The following RNF220 variants were observed in gnomAD, a reference collection of about 807,000 sequenced individuals.
RNF220 encodes ring finger protein 220.
Under a neutral mutation model 67.1 loss-of-function variants are expected in RNF220, and 7 were observed. That is an observed-to-expected ratio of 0.10 (90% confidence interval 0.06 to 0.20). RNF220 has a LOEUF of 0.20. Ranked by LOEUF, RNF220 falls within the 10% of genes least tolerant of loss-of-function variation. The pLI is 1.00. For synonymous variants in RNF220, 270 were observed against 283.2 expected, an observed-to-expected ratio of 0.95 and a Z score of 0.47; for missense variants, 565 against 740.3, an observed-to-expected ratio of 0.76 and a Z score of 2.75.
intron 2 of RNF220, among the ~76,000 whole-genome samples, chr1:44,579,900 G>T (rs759116171): frequency 4.0e-5 from 6 of 151,470 alleles, no homozygotes; most frequent in Non-Finnish European, 8.8e-5. Flanking sequence ...GTGTGGTGGC[G>T]TGCATCTGTA....
intron 6 of RNF220, 98 bp from the exon 7 acceptor site, chr1:44,635,447 G>A: frequency 6.5e-7 from 1 of 1,528,316 alleles, no homozygotes; most frequent in South Asian, 1.2e-5. Context: ...AAGGCCAATG[G>A]CTGGCAAGAG....
chr1:44,548,107 T>G (rs1337565332), intron 2 of RNF220, among the ~76,000 whole-genome samples: 2 of 152,172 alleles, frequency 1.3e-5, no homozygotes, highest in Non-Finnish European at 2.9e-5. Flanking sequence ...ACATCCCCCA[T>G]GTCTCGTTAG....
chr1:44,505,982 C>A (rs1658381625), intron 2 of RNF220, among the ~76,000 whole-genome samples: 1 of 152,138 alleles, frequency 6.6e-6, no homozygotes, highest in African/African-American at 2.4e-5. Flanking sequence ...GGTAGCCCAT[C>A]ATACCCCCTT....
chr1:44,571,523 A>T (rs192910095), intron 2 of RNF220, among the ~76,000 whole-genome samples: 25 of 152,338 alleles, frequency 1.6e-4, no homozygotes, highest in Admixed American at 1.0e-3. Context: ...AGTAAGTTCT[A>T]CATTCACTGT....
At chr1:44,522,208 G>A (rs1279842746) in intron 2 of RNF220, among the ~76,000 whole-genome samples, 1 of 152,212 alleles carries the variant, frequency 6.6e-6, no homozygotes, top group East Asian at 1.9e-4. Context: ...TGGAAGGATG[G>A]TGGGATTTGA....
chr1:44,588,510 G>A (rs1665874660), intron 2 of RNF220, among the ~76,000 whole-genome samples: 3 of 152,340 alleles, frequency 2.0e-5, no homozygotes, highest in Non-Finnish European at 4.4e-5. Flanking sequence ...CTGTCTTGGG[G>A]AAAGTGGCCC....
chr1:44,441,220 C>T (rs907032440), intron 2 of RNF220, among the ~76,000 whole-genome samples: 12 of 152,174 alleles, frequency 7.9e-5, no homozygotes, highest in South Asian at 2.1e-4. Context: ...CCTCCCCATC[C>T]CTAAGCAGCC....
In RNF220 at chr1:44,645,882, T is replaced by C. The variant is rs1644630112; in HGVS notation, c.1445+394T>C. On this transcript the variant is annotated intron_variant, in intron 12 of 14. Coordinates refer to ENST00000361799, the MANE Select transcript of RNF220 (RefSeq NM_018150.4). This position sits in a 1 kb window ranked among gnomAD's most constrained non-coding sequence, Gnocchi z 5.0. ...TTCTTGTCCCGGGTGGCACTCGCAG[T>C]GGATTTTAGGCAGGAACATTGGGTA... Among the ~76,000 whole-genome samples the C allele has an allele frequency of 6.6e-6, 1 of 152,188 alleles. No individual in the cohort carries two copies. Among genetic ancestry groups the C allele is most frequent in the Non-Finnish European group, 1.5e-5 (1 of 68,036 alleles).
At chr1:44,635,896 C>A (rs1180754861) in intron 7 of RNF220, 134 bp from the exon 8 acceptor site, 3 of 1,477,156 alleles carry the variant, frequency 2.0e-6, no homozygotes, top group African/African-American at 1.4e-5. Flanking sequence ...AATTGGTTTG[C>A]TTCAAAGGAG....
At chr1:44,539,304 C>T (rs1206741179) in intron 2 of RNF220, among the ~76,000 whole-genome samples, 1 of 152,190 alleles carries the variant, frequency 6.6e-6, no homozygotes, top group Non-Finnish European at 1.5e-5. Context: ...TTTCCTGACT[C>T]TCTGAGCATC....
chr1:44,540,314 AC>A, intron 2 of RNF220, among the ~76,000 whole-genome samples: 1 of 152,284 alleles, frequency 6.6e-6, no homozygotes, highest in South Asian at 2.1e-4. Flanking sequence ...AAGCATGAGC[AC>A]AGAATAATGG....
chr1:44,500,809 G>A (rs1185255175), intron 2 of RNF220, among the ~76,000 whole-genome samples: 1 of 152,174 alleles, frequency 6.6e-6, no homozygotes, highest in Non-Finnish European at 1.5e-5. Flanking sequence ...AGGAGGGAGG[G>A]AGGAGCTCCA....
At chr1:44,478,818 AG>A (rs1247699869) in intron 2 of RNF220, among the ~76,000 whole-genome samples, 1 of 152,190 alleles carries the variant, frequency 6.6e-6, no homozygotes, top group Non-Finnish European at 1.5e-5. Context: ...CCACGGTCCT[AG>A]GGGTTGAGAA....
intron 2 of RNF220, among the ~76,000 whole-genome samples, chr1:44,523,825 C>T (rs1193724002): frequency 6.6e-6 from 1 of 152,208 alleles, no homozygotes; most frequent in African/African-American, 2.4e-5. Flanking sequence ...GCAGCCCCAT[C>T]CCCTCGTCCA....
rs1663903032 is a variant in RNF220, at chr1:44,565,194, T to G, written c.626-48971T>G. Among the ~76,000 whole-genome samples the G allele has an allele frequency of 6.6e-6, 1 of 150,786 alleles. No homozygotes were observed. Among genetic ancestry groups the G allele is most frequent in the South Asian group, 2.1e-4 (1 of 4,790 alleles). On this transcript the variant is annotated intron_variant, in intron 2 of 14. Coordinates refer to ENST00000361799, the MANE Select transcript of RNF220 (RefSeq NM_018150.4). This position sits in a 1 kb window ranked among gnomAD's most constrained non-coding sequence, Gnocchi z 4.2. ...AACTGACAGATAGATGTTGGTTCTG[T>G]GCCTAGGAATATGTTGGTGAATTAT...
At chr1:44,559,888 A>G (rs1364957094) in intron 2 of RNF220, among the ~76,000 whole-genome samples, 1 of 152,222 alleles carries the variant, frequency 6.6e-6, no homozygotes, top group African/African-American at 2.4e-5. Flanking sequence ...CTCTGAAGGC[A>G]AGAGGGTGAC....
At chr1:44,567,131 G>A (rs556519894) in intron 2 of RNF220, among the ~76,000 whole-genome samples, 2 of 152,186 alleles carry the variant, frequency 1.3e-5, no homozygotes, top group Non-Finnish European at 2.9e-5. Flanking sequence ...GAATGGGACC[G>A]AGTGGAGGGG....
intron 2 of RNF220, among the ~76,000 whole-genome samples, chr1:44,429,810 ATGTC>A (rs1650169552): frequency 6.6e-6 from 1 of 152,216 alleles, no homozygotes; most frequent in Non-Finnish European, 1.5e-5. Flanking sequence ...CCTTTCAACA[ATGTC>A]TGTCTATGAA....
At chr1:44,589,340 C>T (rs553356482) in intron 2 of RNF220, among the ~76,000 whole-genome samples, 4 of 152,264 alleles carry the variant, frequency 2.6e-5, no homozygotes, top group East Asian at 1.9e-4. Flanking sequence ...CCTGGCCGGG[C>T]GTGGTGGCTC....
Sources: allele counts gnomAD v4.1 joint callset (sites outside exome capture counted in the v4.1 genomes callset), GRCh38; gene constraint gnomAD v4.1.1; non-coding constraint Gnocchi (gnomAD v3.1); transcripts MANE v1.5; gene names NCBI Gene and HGNC (gene_info 2026-07-23, HGNC 2026-07-21).